The following SLC10A7 variants were observed in gnomAD, a reference collection of about 807,000 sequenced individuals.
SLC10A7 encodes sodium/bile acid cotransporter 7.
Under a neutral mutation model 43.2 loss-of-function variants are expected in SLC10A7, and 29 were observed. That is an observed-to-expected ratio of 0.67 (90% CI 0.50 to 0.92). The LOEUF (loss-of-function observed/expected upper bound fraction) is 0.92, where lower values mean the gene tolerates loss of function less well. SLC10A7 is among the 40% of genes least tolerant of loss of function. SLC10A7 has a pLI of 0.00. For missense variants in SLC10A7, 295 were observed against 403.2 expected, an observed-to-expected ratio of 0.73 and a Z score of 2.30; for synonymous variants, 152 against 144.8, an observed-to-expected ratio of 1.05 and a Z score of -0.35.
chr4:146,268,209 T>G (rs1728683159), intron 10 of SLC10A7, among the ~76,000 whole-genome samples: 1 of 152,178 alleles, frequency 6.6e-6, no homozygotes, highest in South Asian at 2.1e-4. Flanking sequence ...TCTTTTCTGG[T>G]GTAGTCAGGA....
At chr4:146,277,429 T>C (rs1340667819) in intron 10 of SLC10A7, among the ~76,000 whole-genome samples, 4 of 152,214 alleles carry the variant, frequency 2.6e-5, no homozygotes, top group Non-Finnish European at 5.9e-5. Context: ...AGAATATTAT[T>C]GTATCACTTT....
intron 7 of SLC10A7, among the ~76,000 whole-genome samples, chr4:146,302,391 G>C (rs1199877285): frequency 2.6e-5 from 4 of 152,100 alleles, no homozygotes; most frequent in Non-Finnish European, 5.9e-5. Flanking sequence ...CTATGGTCTG[G>C]GAATGTAATG....
At chr4:146,345,764 T>C (rs1044035975) in intron 5 of SLC10A7, among the ~76,000 whole-genome samples, 1 of 152,156 alleles carries the variant, frequency 6.6e-6, no homozygotes, top group African/African-American at 2.4e-5. Context: ...TATCTTGTAT[T>C]TCCCATACCT....
intron 5 of SLC10A7, among the ~76,000 whole-genome samples, chr4:146,332,688 T>C (rs1431904506): frequency 2.6e-5 from 4 of 152,200 alleles, no homozygotes; most frequent in African/African-American, 9.7e-5. Flanking sequence ...GCCTCTTTTC[T>C]TTATAAATTA....
chr4:146,298,517 G>T (rs1321339200), intron 7 of SLC10A7, among the ~76,000 whole-genome samples: 1 of 152,150 alleles, frequency 6.6e-6, no homozygotes, highest in Non-Finnish European at 1.5e-5. Flanking sequence ...GTATAGATAT[G>T]CTTTTTTATT....
intron 5 of SLC10A7, among the ~76,000 whole-genome samples, chr4:146,423,871 A>C (rs1729129334): frequency 6.6e-6 from 1 of 152,232 alleles, no homozygotes; most frequent in Non-Finnish European, 1.5e-5. Flanking sequence ...GGCATCTGCC[A>C]AAATTTATTT....
intron 2 of SLC10A7, 41 bp downstream of exon 2, chr4:146,516,997 T>G: frequency 6.8e-7 from 1 of 1,471,520 alleles, no homozygotes; most frequent in Non-Finnish European, 9.3e-7. Flanking sequence ...ACAAATTAAA[T>G]TTTTCTCCCT....
At chr4:146,454,492 C>A (rs1731880344) in intron 4 of SLC10A7, among the ~76,000 whole-genome samples, 1 of 151,856 alleles carries the variant, frequency 6.6e-6, no homozygotes, top group South Asian at 2.1e-4. Flanking sequence ...CTCTCTATTA[C>A]ATCCACACTG....
chr4:146,259,533 G>A (rs143573044), intron 10 of SLC10A7, among the ~76,000 whole-genome samples: 3,313 of 152,228 alleles, frequency 0.022, 107 homozygotes, highest in African/African-American at 0.075. Flanking sequence ...CCTGGGAGGT[G>A]GAGGTTGCAG....
At chr4:146,317,794 C>A (rs560000363) in intron 6 of SLC10A7, among the ~76,000 whole-genome samples, 1 of 152,044 alleles carries the variant, frequency 6.6e-6, no homozygotes, top group South Asian at 2.1e-4. Context: ...CCACCCCCAA[C>A]CCCCAGTTCT....
At chr4:146,377,577 T>C (rs1267776416) in intron 5 of SLC10A7, among the ~76,000 whole-genome samples, 5 of 152,270 alleles carry the variant, frequency 3.3e-5, no homozygotes, top group African/African-American at 1.2e-4. Flanking sequence ...CATCTCATTA[T>C]CACTCTGGAG....
intron 2 of SLC10A7, chr4:146,514,812 C>A: frequency 3.6e-6 from 1 of 276,020 alleles, no homozygotes; most frequent in Non-Finnish European, 6.7e-6. Flanking sequence ...ACAAGTTAAC[C>A]ATGAAATTAG....
chr4:146,256,628 C>T, intron 11 of SLC10A7, 108 bp from the exon 12 acceptor site: 1 of 1,235,118 alleles, frequency 8.1e-7, no homozygotes, highest in Non-Finnish European at 1.2e-6. Context: ...AGAGGCCCAC[C>T]CAGATGGCAT....
intron 2 of SLC10A7, among the ~76,000 whole-genome samples, chr4:146,510,262 A>AT (rs903791888): frequency 0.015 from 1,909 of 124,426 alleles, 38 homozygotes; most frequent in African/African-American, 0.046. Context: ...AATTTCTTAA[A>AT]TTTTTTTTTT....
intron 10 of SLC10A7, among the ~76,000 whole-genome samples, chr4:146,276,787 CA>C (rs1254245419): frequency 6.6e-6 from 1 of 151,862 alleles, no homozygotes; most frequent in Non-Finnish European, 1.5e-5. Context: ...CCCGTCTCTA[CA>C]AAAAAATTTT....
intron 9 of SLC10A7, among the ~76,000 whole-genome samples, chr4:146,283,800 C>A (rs529969783): frequency 6.6e-6 from 1 of 151,922 alleles, no homozygotes; most frequent in South Asian, 2.1e-4. Flanking sequence ...AGCAACAACC[C>A]CAAAAGGCAA....
intron 5 of SLC10A7, among the ~76,000 whole-genome samples, chr4:146,350,696 G>C (rs1735014945): frequency 1.2e-5 from 1 of 85,032 alleles, no homozygotes; most frequent in Non-Finnish European, 2.1e-5. Flanking sequence ...AGAACTGGCA[G>C]ACTGCCTCCT....
intron 4 of SLC10A7, among the ~76,000 whole-genome samples, chr4:146,460,438 C>T (rs1281828040): frequency 6.6e-6 from 1 of 151,940 alleles, no homozygotes; most frequent in Non-Finnish European, 1.5e-5. Flanking sequence ...AAATGTCCTT[C>T]AAATGGTGAA....
At chr4:146,319,307 C>T (rs1732536383) in intron 6 of SLC10A7, among the ~76,000 whole-genome samples, 1 of 152,012 alleles carries the variant, frequency 6.6e-6, no homozygotes, top group South Asian at 2.1e-4. Context: ...CTTAGTGTTC[C>T]TTCCACCTGG....
Sources: gnomAD v4.1 joint callset for allele counts (sites outside exome capture counted in the v4.1 genomes callset) on GRCh38, gnomAD v4.1.1 for gene constraint, MANE v1.5 for transcripts, NCBI Gene and HGNC (gene_info 2026-07-23, HGNC 2026-07-21) for gene names.